The following PTPRD variants were observed in gnomAD, a reference collection of about 807,000 sequenced individuals.
PTPRD encodes the protein receptor-type tyrosine-protein phosphatase delta.
PTPRD carries 34 observed loss-of-function variants against 214.5 expected under a neutral mutation model. That is an observed-to-expected ratio of 0.16 (90% CI 0.12 to 0.21). The LOEUF (loss-of-function observed/expected upper bound fraction) is 0.21. Among genes scored for constraint, PTPRD ranks in the 10% least tolerant of loss-of-function variants. PTPRD has a pLI of 1.00. For missense variants in PTPRD, 2,545 were observed against 2,398.7 expected, an observed-to-expected ratio of 1.06 and a Z score of -1.27; for synonymous variants, 1,128 against 845.7, an observed-to-expected ratio of 1.33 and a Z score of -5.79.
At chr9:8,382,640 G>A (rs542347549) in intron 37 of PTPRD, among the ~76,000 whole-genome samples, 2 of 152,308 alleles carry the variant, frequency 1.3e-5, no homozygotes, top group African/African-American at 4.8e-5. Context: ...AAAACCAAAA[G>A]TGTAGAACTT....
At chr9:9,842,756 C>G (rs2058641319) in intron 5 of PTPRD, among the ~76,000 whole-genome samples, 1 of 151,736 alleles carries the variant, frequency 6.6e-6, no homozygotes. Context: ...CTTCATACAC[C>G]AGGTGGTGGC....
At chr9:8,696,462 T>C (rs974945444) in intron 12 of PTPRD, among the ~76,000 whole-genome samples, 5 of 152,204 alleles carry the variant, frequency 3.3e-5, no homozygotes, top group Non-Finnish European at 4.4e-5. Flanking sequence ...GGGGGACAAG[T>C]AATCACTGAG....
chr9:8,374,082 CCAT>C, intron 39 of PTPRD, among the ~76,000 whole-genome samples: 2 of 148,886 alleles, frequency 1.3e-5, no homozygotes, highest in Non-Finnish European at 3.0e-5. Flanking sequence ...ATTTTTGTTC[CCAT>C]TATTTTAAAC....
chr9:10,335,758 A>G (rs2096833643), intron 3 of PTPRD, among the ~76,000 whole-genome samples: 1 of 151,770 alleles, frequency 6.6e-6, no homozygotes, highest in Non-Finnish European at 1.5e-5. Flanking sequence ...TAAGAAACAA[A>G]CAACTTCATT....
rs932997 is a variant in PTPRD at position 9,302,828 on chromosome 9, C to T, written c.-203+94621G>A. On this transcript the variant is annotated intron_variant, in intron 9 of 45. Coordinates refer to ENST00000381196, the MANE Select transcript of PTPRD (RefSeq NM_002839.4). ...GCTCCTTTACTTAGCTCTGATATTACCATTTTCCTTTAAAACCACCCGTAG... is the reference window on the plus strand; with the variant it reads ...GCTCCTTTACTTAGCTCTGATATTATCATTTTCCTTTAAAACCACCCGTAG... Among the ~76,000 whole-genome samples, 311 of 151,678 alleles carry T rather than the reference C, an allele frequency of 2.1e-3. 1 individual carries two copies. Among genetic ancestry groups the T allele is most frequent in the African/African-American group, 7.1e-3 (293 of 41,452 alleles).
chr9:9,966,082 T>C (rs1057331429), intron 4 of PTPRD, among the ~76,000 whole-genome samples: 1 of 152,132 alleles, frequency 6.6e-6, no homozygotes, highest in Non-Finnish European at 1.5e-5. Flanking sequence ...TATTTACACA[T>C]AGAGAAACTA....
rs1299650269 is a variant in PTPRD at position 8,320,513 on chromosome 9, A to G, written c.5535-547T>C. 2.0e-5 allele frequency among the ~76,000 whole-genome samples: 3 copies of G among 152,230 alleles called. No homozygotes were observed. The East Asian group carries it at 5.8e-4, about 29-fold the overall frequency. ...GAGAAAAGAGATGGTATAACAGGGT[A>G]TATACGTGATTTTCACTTAGTCTTC... On this transcript the variant is annotated intron_variant, in intron 44 of 45. Transcript: ENST00000381196.
chr9:10,225,975 G>C (rs765125602), intron 3 of PTPRD, among the ~76,000 whole-genome samples: 1 of 152,030 alleles, frequency 6.6e-6, no homozygotes, highest in Non-Finnish European at 1.5e-5. Context: ...GCTATGTCCA[G>C]TACATGTATC....
At chr9:10,131,073 C>T (rs2098872715) in intron 3 of PTPRD, among the ~76,000 whole-genome samples, 1 of 152,066 alleles carries the variant, frequency 6.6e-6, no homozygotes, top group Non-Finnish European at 1.5e-5. Context: ...AAAAGAATTG[C>T]ATTTGTTGGA....
intron 34 of PTPRD, among the ~76,000 whole-genome samples, chr9:8,446,216 G>A (rs2095717945): frequency 6.6e-6 from 1 of 152,172 alleles, no homozygotes; most frequent in African/African-American, 2.4e-5. Context: ...TAAGGGTACA[G>A]TTCTTTGACG....
intron 35 of PTPRD, among the ~76,000 whole-genome samples, chr9:8,423,160 G>T (rs1041032317): frequency 1.3e-5 from 2 of 152,264 alleles, no homozygotes; most frequent in African/African-American, 4.8e-5. Flanking sequence ...ATTTCAGCAA[G>T]AGAGAAAGAA....
At chr9:9,902,510 A>T (rs1370368665) in intron 5 of PTPRD, among the ~76,000 whole-genome samples, 1 of 152,150 alleles carries the variant, frequency 6.6e-6, no homozygotes, top group Non-Finnish European at 1.5e-5. Context: ...AACAGTGTAG[A>T]AATTTGGTCT....
chr9:9,530,106 A>C (rs1481790512), intron 8 of PTPRD, among the ~76,000 whole-genome samples: 1 of 152,138 alleles, frequency 6.6e-6, no homozygotes, highest in African/African-American at 2.4e-5. Context: ...TAGAAATGCA[A>C]GAACAAACCA....
chr9:10,209,219 T>G (rs1373083109), intron 3 of PTPRD, among the ~76,000 whole-genome samples: 2 of 152,044 alleles, frequency 1.3e-5, no homozygotes, highest in Non-Finnish European at 2.9e-5. Flanking sequence ...ATAGCAAGGA[T>G]TTGGAAAGAA....
intron 9 of PTPRD, among the ~76,000 whole-genome samples, chr9:9,261,429 T>G (rs186736719): frequency 6.6e-6 from 1 of 151,920 alleles, no homozygotes; most frequent in Non-Finnish European, 1.5e-5. Flanking sequence ...GTAGGTACTT[T>G]ATTAATTCCA....
At chr9:9,841,040 T>A (rs2058209478) in intron 5 of PTPRD, among the ~76,000 whole-genome samples, 2 of 152,128 alleles carry the variant, frequency 1.3e-5, no homozygotes, top group South Asian at 2.1e-4. Context: ...GAGCTGAAGC[T>A]GCACTGGATT....
chr9:9,176,504 G>C (rs1014159196), intron 10 of PTPRD, among the ~76,000 whole-genome samples: 2 of 152,068 alleles, frequency 1.3e-5, no homozygotes, highest in Non-Finnish European at 2.9e-5. Flanking sequence ...TTTAAAAATA[G>C]ACCCATGTTA....
intron 11 of PTPRD, among the ~76,000 whole-genome samples, chr9:8,949,741 T>A (rs536008092): frequency 6.6e-6 from 1 of 152,198 alleles, no homozygotes; most frequent in Non-Finnish European, 1.5e-5. Context: ...TCTATCTAAG[T>A]ATTTAGCACA....
chr9:8,325,058 T>G (rs11521514), intron 44 of PTPRD, among the ~76,000 whole-genome samples: 20,641 of 149,218 alleles, frequency 0.14, 2,150 homozygotes, highest in East Asian at 0.34. Flanking sequence ...GCCTGTTCAC[T>G]CTGATGGTAG....
Sources: allele counts gnomAD v4.1 joint callset (sites outside exome capture counted in the v4.1 genomes callset), GRCh38; gene constraint gnomAD v4.1.1; transcripts MANE v1.5; gene names NCBI Gene and HGNC (gene_info 2026-07-23, HGNC 2026-07-21).